SHANK2: variants seen among roughly 807,000 people sequenced by gnomAD.
SHANK2 encodes SH3 and multiple ankyrin repeat domains protein 2.
A neutral mutation model predicts 133.7 loss-of-function variants in SHANK2; 43 were observed. The ratio of observed to expected loss-of-function variants is 0.32; its 90% CI spans 0.25 to 0.41. The LOEUF is 0.41. Ranked by LOEUF, SHANK2 falls within the 10% of genes least tolerant of loss-of-function variation. The probability of loss-of-function intolerance (pLI) is 1.00; values close to 1 mark genes in which losing one functional copy is unlikely to be tolerated. For synonymous variants in SHANK2, 1,017 were observed against 952.8 expected (o/e 1.07, Z -1.24); for missense variants, 1,994 against 2,235.8 (o/e 0.89, Z 2.18).
intron 10 of SHANK2, among the ~76,000 whole-genome samples, chr11:70,915,256 T>C (rs1950253950): frequency 6.6e-6 from 1 of 152,168 alleles, no homozygotes; most frequent in Non-Finnish European, 1.5e-5. Context: ...TCATCTCAAA[T>C]GTGCAGGGCT....
intron 1 of SHANK2, among the ~76,000 whole-genome samples, chr11:71,228,970 TCTA>T (rs1315036148): frequency 6.6e-6 from 1 of 152,098 alleles, no homozygotes; most frequent in Non-Finnish European, 1.5e-5. Context: ...ATCAATGTAA[TCTA>T]CTATTATCAA....
intron 10 of SHANK2, among the ~76,000 whole-genome samples, chr11:70,934,219 G>A (rs1205708982): frequency 6.1e-5 from 9 of 148,214 alleles, no homozygotes; most frequent in African/African-American, 1.5e-4. Context: ...GCAACAGAGC[G>A]GGACTGTGTC....
chr11:71,072,255 C>G (rs915085400), intron 9 of SHANK2, among the ~76,000 whole-genome samples: 2 of 152,080 alleles, frequency 1.3e-5, no homozygotes, highest in Admixed American at 6.5e-5. Context: ...CTTAACCCCC[C>G]ATGGCTTCCC....
chr11:70,610,639 G>T (rs2060645605), intron 17 of SHANK2, among the ~76,000 whole-genome samples: 1 of 152,232 alleles, frequency 6.6e-6, no homozygotes, highest in Admixed American at 6.5e-5. Flanking sequence ...ATGAAAGCCA[G>T]CCAGAGCTGC....
intron 11 of SHANK2, among the ~76,000 whole-genome samples, chr11:70,858,912 C>T (rs1949212692): frequency 6.6e-6 from 1 of 152,230 alleles, no homozygotes; most frequent in Non-Finnish European, 1.5e-5. Context: ...TGTACATGCT[C>T]GTCCCTCCCA....
chr11:70,704,615 C>T (rs1428614581), intron 14 of SHANK2, among the ~76,000 whole-genome samples: 2 of 139,736 alleles, frequency 1.4e-5, no homozygotes, highest in African/African-American at 5.0e-5. Context: ...ATCTTGGCTT[C>T]CTTTTAGAGA....
intron 12 of SHANK2, among the ~76,000 whole-genome samples, chr11:70,818,336 CAT>C (rs61341927): frequency 0.012 from 1,804 of 152,314 alleles, 30 homozygotes; most frequent in African/African-American, 0.041. Flanking sequence ...TGCACACACA[CAT>C]GTGCATTCTG....
At chr11:70,801,871 T>G (rs1219837831) in intron 13 of SHANK2, among the ~76,000 whole-genome samples, 4 of 152,060 alleles carry the variant, frequency 2.6e-5, no homozygotes, top group Non-Finnish European at 5.9e-5. Flanking sequence ...CTAGAAAAAT[T>G]GTCAAGGACC....
rs149581714 is a variant in SHANK2 at position 70,661,737 on chromosome 11, C to T, written c.1854-59G>A. On this transcript the variant is annotated intron_variant, in intron 15 of 25. Transcript: ENST00000601538. ...TTGTAGCCCGTCATCATCACCGCGG[C>T]CGCTCCTCCGCCGGGGACGTTCATC... is the stretch of plus-strand genomic sequence containing the variant. 4.4e-5 allele frequency: 71 copies of T among 1,614,116 alleles called. No homozygotes were observed. In the Middle Eastern group the frequency reaches 4.9e-4, roughly 11 times the overall value.
chr11:71,212,227 T>C (rs545735085), intron 2 of SHANK2, among the ~76,000 whole-genome samples: 1 of 152,306 alleles, frequency 6.6e-6, no homozygotes, highest in South Asian at 2.1e-4. Flanking sequence ...TATGCTACAG[T>C]TGGGTCTTAG....
At chr11:70,874,022 C>G (rs1432556553) in intron 11 of SHANK2, among the ~76,000 whole-genome samples, 3 of 152,146 alleles carry the variant, frequency 2.0e-5, no homozygotes, top group African/African-American at 7.2e-5. Context: ...AACATGTGAA[C>G]AGTACACAGA....
intron 10 of SHANK2, among the ~76,000 whole-genome samples, chr11:70,921,758 G>C (rs1950354987): frequency 6.6e-6 from 1 of 152,218 alleles, no homozygotes; most frequent in Admixed American, 6.5e-5. Context: ...GTCTCTGACT[G>C]CATCAAGGTG....
chr11:70,762,970 C>G (rs1267210748), intron 14 of SHANK2, among the ~76,000 whole-genome samples: 1 of 152,208 alleles, frequency 6.6e-6, no homozygotes, highest in Non-Finnish European at 1.5e-5. Context: ...ACCTGCACAC[C>G]ACCATGAGGC....
At chr11:70,523,716 G>C (rs1443310809) in intron 17 of SHANK2, among the ~76,000 whole-genome samples, 1 of 152,202 alleles carries the variant, frequency 6.6e-6, no homozygotes, top group African/African-American at 2.4e-5. Context: ...TGCTGGGGCT[G>C]GGCTGTGCAC....
intron 11 of SHANK2, among the ~76,000 whole-genome samples, chr11:70,823,678 G>C (rs3017497): frequency 0.94 from 107,190 of 114,182 alleles, 50,234 homozygotes; most frequent in East Asian, 0.97. Flanking sequence ...GAGGGACAGA[G>C]GTGGCGCTGG....
chr11:70,707,132 G>A (rs929141354), intron 14 of SHANK2, among the ~76,000 whole-genome samples: 4 of 152,078 alleles, frequency 2.6e-5, no homozygotes, highest in African/African-American at 9.7e-5. Flanking sequence ...AGTACTTTGG[G>A]AGGCTGAGAT....
intron 2 of SHANK2, among the ~76,000 whole-genome samples, chr11:71,214,536 G>A (rs1312367996): frequency 2.0e-5 from 3 of 152,214 alleles, no homozygotes; most frequent in Admixed American, 6.5e-5. Context: ...ACACGTTTCC[G>A]AAGAAGTGTC....
intron 10 of SHANK2, among the ~76,000 whole-genome samples, chr11:70,914,464 C>T (rs1555079562): frequency 3.3e-5 from 5 of 151,806 alleles, no homozygotes; most frequent in Non-Finnish European, 7.4e-5. Context: ...AACCCAGCCT[C>T]GCACAGAAAG....
intron 2 of SHANK2, among the ~76,000 whole-genome samples, chr11:71,165,985 G>A (rs75767147): frequency 0.027 from 4,086 of 152,224 alleles, 163 homozygotes; most frequent in East Asian, 0.097. Flanking sequence ...AACCTCCCGC[G>A]TGCTGCACAG....
Sources: allele counts gnomAD v4.1 joint callset (sites outside exome capture counted in the v4.1 genomes callset), GRCh38; gene constraint gnomAD v4.1.1; transcripts MANE v1.5; gene names NCBI Gene and HGNC (gene_info 2026-07-23, HGNC 2026-07-21).